FBXO11: variants seen among roughly 807,000 people sequenced by gnomAD.
The protein encoded by FBXO11 is F-box protein 11.
In FBXO11, 13 loss-of-function variants were observed where a neutral mutation model predicts 117.0. The observed-to-expected ratio is 0.11, with a 90% CI of 0.07 to 0.18. The LOEUF is 0.18. FBXO11 is among the 10% of genes least tolerant of loss of function. The pLI is 1.00. For missense variants in FBXO11, 767 were observed against 1,164.4 expected (o/e 0.66, Z 4.97); for synonymous variants, 490 against 380.5 (o/e 1.29, Z -3.35).
intron 7 of FBXO11, among the ~76,000 whole-genome samples, chr2:47,833,551 G>A (rs533989964): frequency 2.3e-4 from 35 of 152,232 alleles, no homozygotes; most frequent in Non-Finnish European, 4.4e-4. Flanking sequence ...AATTTCACTA[G>A]CAAATAATAA....
chr2:47,872,250 G>C (rs1268559146), intron 1 of FBXO11, among the ~76,000 whole-genome samples: 2 of 151,178 alleles, frequency 1.3e-5, no homozygotes, highest in East Asian at 3.9e-4. Context: ...TTCTTAAAAA[G>C]TGTAGTCTGG....
Position 47,839,780 on chromosome 2 carries a change from CA to C in FBXO11, c.233-12del. Reference sequence around the variant, plus strand: ...CAGGCACATCATCATCTGTTATAAACAAAAGCAATAAGAAAAATTATACCCT... The same window carrying C: ...CAGGCACATCATCATCTGTTATAAACAAAGCAATAAGAAAAATTATACCCT... On this transcript the variant is annotated splice_polypyrimidine_tract_variant and intron_variant, in intron 1 of 22. Coordinates refer to ENST00000403359, the MANE Select transcript of FBXO11 (RefSeq NM_001190274.2). 3.1e-6 allele frequency: 5 copies of C among 1,595,904 alleles called. No homozygotes were observed. The highest frequency in any genetic ancestry group is 1.7e-4 in the Middle Eastern group (1 of 5,970).
rs574315714 is a variant in FBXO11 at position 47,830,309 on chromosome 2, G to C, written c.1398+2040C>G. 2.0e-3 allele frequency among the ~76,000 whole-genome samples: 306 copies of C among 152,130 alleles called. 4 individuals carry two copies. Among genetic ancestry groups the C allele is most frequent in the African/African-American group, 7.0e-3 (291 of 41,500 alleles). The stretch of plus-strand genomic sequence containing the variant: ...GAGGGAAAGAAAGAAACTCAGCTAA[G>C]TTAAAAGGCAATGGATAGGGATTCT... On this transcript the variant is annotated intron_variant, in intron 11 of 22. Coordinates refer to ENST00000403359, the MANE Select transcript of FBXO11 (RefSeq NM_001190274.2).
intron 1 of FBXO11, among the ~76,000 whole-genome samples, chr2:47,857,954 C>A (rs926701688): frequency 6.6e-6 from 1 of 152,010 alleles, no homozygotes; most frequent in Non-Finnish European, 1.5e-5. Context: ...TATATACACA[C>A]ACACATACAT....
chr2:47,822,347 C>CA, intron 12 of FBXO11, 44 bp from the exon 13 acceptor site: 1 of 1,296,998 alleles, frequency 7.7e-7, no homozygotes, highest in Non-Finnish European at 1.1e-6. Context: ...TCTATTCAGC[C>CA]AAACTTACTT....
At chr2:47,827,135 A>G (rs1212443745) in intron 11 of FBXO11, among the ~76,000 whole-genome samples, 3 of 152,244 alleles carry the variant, frequency 2.0e-5, no homozygotes, top group Admixed American at 6.5e-5. Flanking sequence ...TAAAGCAGCA[A>G]AAAGTTTTCT....
At chr2:47,879,399 T>C (rs1049958176) in intron 1 of FBXO11, among the ~76,000 whole-genome samples, 10 of 152,196 alleles carry the variant, frequency 6.6e-5, no homozygotes, top group Non-Finnish European at 7.3e-5. Context: ...GAGCAGCTTT[T>C]CCCCCAAAGC....
chr2:47,813,343 G>A lies in FBXO11; in HGVS notation c.2118C>T (p.Asp706=), dbSNP rs1558404486. 2 of 1,600,508 alleles carry A rather than the reference G, an allele frequency of 1.2e-6. No individual in the cohort carries two copies. Among genetic ancestry groups the A allele is most frequent in the African/African-American group, 1.4e-5 (1 of 72,784 alleles). Reference sequence around the variant, plus strand: ...TAATCCAGACTCCAGCCATTGCATTGTCAAATATTTCATTGTCTTCTATAC... The same window carrying A: ...TAATCCAGACTCCAGCCATTGCATTATCAAATATTTCATTGTCTTCTATAC... The part of the protein sequence containing the change: ...LGCIEDNEIF[D]NAMAGVWIKT... The change falls in exon 18 of 23, where the codon GAC becomes GAT. Residue 706 remains aspartate (D), a synonymous_variant. Transcript: ENST00000403359.
intron 7 of FBXO11, among the ~76,000 whole-genome samples, chr2:47,834,068 A>T (rs1233119106): frequency 1.3e-5 from 2 of 152,152 alleles, no homozygotes; most frequent in African/African-American, 4.8e-5. Context: ...AAACATATAC[A>T]GCCAGGCACA....
At chr2:47,833,924 T>A (rs1478047053) in intron 7 of FBXO11, among the ~76,000 whole-genome samples, 1 of 151,958 alleles carries the variant, frequency 6.6e-6, no homozygotes, top group Non-Finnish European at 1.5e-5. Context: ...CACCTCAGCC[T>A]CCCAAACTAC....
intron 1 of FBXO11, among the ~76,000 whole-genome samples, chr2:47,904,703 G>T (rs1476051780): frequency 1.3e-5 from 2 of 152,112 alleles, no homozygotes; most frequent in African/African-American, 4.8e-5. Context: ...GGCATGGGGG[G>T]TCGCTCGGGG....
intron 1 of FBXO11, chr2:47,883,421 CT>C: frequency 2.7e-6 from 1 of 374,688 alleles, no homozygotes; most frequent in Non-Finnish European, 5.3e-6. Context: ...TAACTCATCT[CT>C]TTATTTCACT....
At chr2:47,810,940 T>G (rs1670568996) in intron 18 of FBXO11, 1 of 152,314 alleles carries the variant, frequency 6.6e-6, no homozygotes, top group African/African-American at 2.4e-5. Flanking sequence ...CAAACTACTT[T>G]CAGAATAAAG....
chr2:47,828,893 C>G (rs984810236), intron 11 of FBXO11, among the ~76,000 whole-genome samples: 1 of 152,136 alleles, frequency 6.6e-6, no homozygotes, highest in Non-Finnish European at 1.5e-5. Context: ...GTGATGAAAT[C>G]TAATGGCATG....
chr2:47,841,147 G>A (rs994653611), intron 1 of FBXO11, among the ~76,000 whole-genome samples: 4 of 149,224 alleles, frequency 2.7e-5, no homozygotes, highest in South Asian at 4.3e-4. Context: ...GCAGTGAGCC[G>A]AGATCATGCC....
intron 1 of FBXO11, among the ~76,000 whole-genome samples, chr2:47,848,111 G>T (rs1184709667): frequency 6.6e-6 from 1 of 151,360 alleles, no homozygotes; most frequent in African/African-American, 2.4e-5. Flanking sequence ...GCGACAGAGC[G>T]AGACCCCATC....
chr2:47,818,683 T>A, intron 16 of FBXO11, 96 bp downstream of exon 16: 2 of 752,396 alleles, frequency 2.7e-6, no homozygotes, highest in Non-Finnish European at 4.4e-6. Flanking sequence ...AATAGGGGGA[T>A]AAAGATTGGG....
intron 1 of FBXO11, among the ~76,000 whole-genome samples, chr2:47,897,934 A>G (rs1011622194): frequency 2.6e-5 from 4 of 152,206 alleles, no homozygotes; most frequent in African/African-American, 9.6e-5. Context: ...CACACAAAAA[A>G]AAGGATGAAT....
intron 1 of FBXO11, among the ~76,000 whole-genome samples, chr2:47,854,614 G>C (rs1025858267): frequency 4.6e-5 from 7 of 152,074 alleles, no homozygotes; most frequent in African/African-American, 1.7e-4. Flanking sequence ...GGACAAACTA[G>C]ATCAGCGGTT....
Sources: allele counts gnomAD v4.1 joint callset (sites outside exome capture counted in the v4.1 genomes callset), GRCh38; gene constraint gnomAD v4.1.1; transcripts MANE v1.5; gene names NCBI Gene and HGNC (gene_info 2026-07-23, HGNC 2026-07-21).